The following HEATR5B variants were observed in gnomAD, a reference collection of about 807,000 sequenced individuals.
The protein encoded by HEATR5B is HEAT repeat containing 5B.
Under a neutral mutation model 224.1 loss-of-function variants are expected in HEATR5B, and 156 were observed. The observed-to-expected ratio is 0.70, with a 90% CI of 0.61 to 0.80. The LOEUF (loss-of-function observed/expected upper bound fraction) is 0.80. HEATR5B is among the 30% of genes least tolerant of loss of function. The probability of loss-of-function intolerance (pLI) is 0.00; values close to 1 mark genes in which losing one functional copy is unlikely to be tolerated. For missense variants in HEATR5B, 2,323 were observed against 2,535.5 expected (o/e 0.92, Z 1.80); for synonymous variants, 1,027 against 893.0 (o/e 1.15, Z -2.68).
chr2:37,062,136 G>T (rs1671319909), intron 10 of HEATR5B, 86 bp from the exon 11 acceptor site: 2 of 821,038 alleles, frequency 2.4e-6, no homozygotes, highest in Non-Finnish European at 2.0e-6. Context: ...TTACTTAAAA[G>T]AAGTTGTTGG....
chr2:37,052,123 A>C (rs754894922), intron 17 of HEATR5B, among the ~76,000 whole-genome samples: 2 of 152,236 alleles, frequency 1.3e-5, no homozygotes, highest in Non-Finnish European at 2.9e-5. Context: ...ATGACCTAAG[A>C]CATGTTCATG....
intron 33 of HEATR5B, among the ~76,000 whole-genome samples, chr2:36,996,189 T>C (rs1471176665): frequency 3.3e-5 from 5 of 151,728 alleles, no homozygotes; most frequent in Admixed American, 2.6e-4. Context: ...GCCTCCTGAG[T>C]AGCTGGGATT....
chr2:37,041,109 A>C (rs1307385900), intron 19 of HEATR5B, 24 bp downstream of exon 19: 1 of 1,580,466 alleles, frequency 6.3e-7, no homozygotes. Context: ...AACTTTTGTA[A>C]TAAAAAAACC....
chr2:37,047,674 T>C (rs552796091), intron 18 of HEATR5B, among the ~76,000 whole-genome samples: 1 of 152,360 alleles, frequency 6.6e-6, no homozygotes, highest in Non-Finnish European at 1.5e-5. Context: ...TCTTAATTTC[T>C]GTGAATTTCT....
intron 22 of HEATR5B, among the ~76,000 whole-genome samples, chr2:37,030,901 G>C (rs1572846376): frequency 6.6e-6 from 1 of 152,308 alleles, no homozygotes; most frequent in East Asian, 1.9e-4. Context: ...GGTTTCTAGA[G>C]GTTTCCCACC....
intron 22 of HEATR5B, 72 bp from the exon 23 acceptor site, chr2:37,028,992 G>C: frequency 6.9e-7 from 1 of 1,458,362 alleles, no homozygotes; most frequent in Non-Finnish European, 9.4e-7. Context: ...TTATGATAAA[G>C]ACCAAGTCTT....
intron 33 of HEATR5B, among the ~76,000 whole-genome samples, chr2:36,993,962 T>A (rs1666514182): frequency 6.7e-6 from 1 of 150,312 alleles, no homozygotes; most frequent in Non-Finnish European, 1.5e-5. Flanking sequence ...TAAGGCAATA[T>A]AATGACTAAA....
chr2:37,058,216 G>C (rs1317257319), intron 14 of HEATR5B, among the ~76,000 whole-genome samples: 2 of 151,974 alleles, frequency 1.3e-5, no homozygotes, highest in Non-Finnish European at 2.9e-5. Flanking sequence ...CTATAAAATA[G>C]GGCTAAAGGC....
At chr2:37,080,426 C>T (rs943307710) in intron 2 of HEATR5B, among the ~76,000 whole-genome samples, 1 of 152,108 alleles carries the variant, frequency 6.6e-6, no homozygotes, top group Non-Finnish European at 1.5e-5. Flanking sequence ...GAGATAATAG[C>T]GGTAACCATA....
At chr2:37,039,769 C>T (rs554472491) in intron 20 of HEATR5B, among the ~76,000 whole-genome samples, 4 of 152,134 alleles carry the variant, frequency 2.6e-5, no homozygotes, top group Non-Finnish European at 5.9e-5. Flanking sequence ...GTAGAATTAG[C>T]TCAGTGGAAT....
chr2:37,029,885 C>G (rs1051282820), intron 22 of HEATR5B, among the ~76,000 whole-genome samples: 4 of 151,450 alleles, frequency 2.6e-5, no homozygotes, highest in African/African-American at 9.7e-5. Flanking sequence ...GTTGCAGTGA[C>G]CCGAGACCGT....
chr2:36,990,886 T>A, intron 33 of HEATR5B, 87 bp from the exon 34 acceptor site: 1 of 1,158,348 alleles, frequency 8.6e-7, no homozygotes, highest in Non-Finnish European at 1.2e-6. Context: ...GACGTTGTCT[T>A]GCCATGTTGT....
chr2:37,056,193 CACAAT>C (rs1670899283), intron 16 of HEATR5B, among the ~76,000 whole-genome samples: 2 of 151,948 alleles, frequency 1.3e-5, no homozygotes, highest in South Asian at 4.2e-4. Flanking sequence ...AAATACAGTC[CACAAT>C]ACAACAGATA....
At chr2:37,058,213 A>C (rs1278599325) in intron 14 of HEATR5B, among the ~76,000 whole-genome samples, 1 of 152,176 alleles carries the variant, frequency 6.6e-6, no homozygotes, top group African/African-American at 2.4e-5. Context: ...CATCTATAAA[A>C]TAGGGCTAAA....
At chr2:37,014,638 C>T (rs1009965711) in intron 26 of HEATR5B, among the ~76,000 whole-genome samples, 16 of 150,524 alleles carry the variant, frequency 1.1e-4, no homozygotes, top group Non-Finnish European at 2.1e-4. Flanking sequence ...TTTCTGCTTA[C>T]CACAGGAAAA....
intron 17 of HEATR5B, 123 bp from the exon 18 acceptor site, chr2:37,049,966 C>T: frequency 1.1e-6 from 1 of 918,534 alleles, no homozygotes; most frequent in Non-Finnish European, 1.5e-6. Flanking sequence ...TCACTGCTCA[C>T]TACAGCCTCG....
intron 20 of HEATR5B, 150 bp from the exon 21 acceptor site, chr2:37,038,174 C>A: frequency 1.9e-6 from 1 of 514,236 alleles, no homozygotes; most frequent in Non-Finnish European, 3.1e-6. Flanking sequence ...GAGTCTCACT[C>A]TGTCGCCCAG....
intron 24 of HEATR5B, among the ~76,000 whole-genome samples, chr2:37,022,896 G>C (rs985563495): frequency 6.6e-6 from 1 of 152,080 alleles, no homozygotes; most frequent in African/African-American, 2.4e-5. Context: ...AAAATTTACA[G>C]GGTCTGACAT....
At chr2:37,064,685 T>C in intron 10 of HEATR5B, 55 bp downstream of exon 10, 2 of 1,592,688 alleles carry the variant, frequency 1.3e-6, no homozygotes, top group South Asian at 2.2e-5. Context: ...GCAGCGTTCC[T>C]ATAAAGACCA....
Sources: allele counts gnomAD v4.1 joint callset (sites outside exome capture counted in the v4.1 genomes callset), GRCh38; gene constraint gnomAD v4.1.1; transcripts MANE v1.5; gene names NCBI Gene and HGNC (gene_info 2026-07-23, HGNC 2026-07-21).